Variants in ZNF518A observed in about 807,000 individuals in gnomAD.
ZNF518A encodes zinc finger protein 518A.
In ZNF518A, 47 loss-of-function variants were observed where a neutral mutation model predicts 102.7. That is an observed-to-expected ratio of 0.46 (90% CI 0.36 to 0.58). The LOEUF (loss-of-function observed/expected upper bound fraction) is 0.58. Ranked by LOEUF, ZNF518A falls within the 20% of genes least tolerant of loss-of-function variation. The pLI, the probability that ZNF518A is intolerant of heterozygous loss-of-function variation, is 0.00. For synonymous variants in ZNF518A, 652 were observed against 594.6 expected (o/e 1.10, Z -1.40); for missense variants, 1,793 against 1,699.8 (o/e 1.05, Z -0.96).
intron 1 of ZNF518A, among the ~76,000 whole-genome samples, chr10:96,202,853 C>T (rs587598805): frequency 3.3e-5 from 5 of 152,298 alleles, no homozygotes; most frequent in South Asian, 2.1e-4. Context: ...TTTCAACATG[C>T]GTGCATCTCG....
At chr10:96,153,457 A>G (rs1554881071) in intron 3 of ZNF518A, among the ~76,000 whole-genome samples, 2 of 152,252 alleles carry the variant, frequency 1.3e-5, no homozygotes, top group African/African-American at 4.8e-5. Flanking sequence ...GTTGAACATA[A>G]TTGAAGACAT....
At chr10:96,174,101 G>A (rs1213150725) in intron 1 of ZNF518A, among the ~76,000 whole-genome samples, 6 of 152,020 alleles carry the variant, frequency 3.9e-5, no homozygotes, top group African/African-American at 1.4e-4. Context: ...TGCTTAGAGG[G>A]AAATTTATAT....
At chr10:96,152,779 G>A (rs2082513247) in intron 3 of ZNF518A, among the ~76,000 whole-genome samples, 1 of 152,174 alleles carries the variant, frequency 6.6e-6, no homozygotes, top group Non-Finnish European at 1.5e-5. Context: ...GAGTATTTGT[G>A]TATCTAAATG....
Position 96,160,531 on chromosome 10 carries a change from T to G in ZNF518A, c.4209T>G (p.Phe1403Leu). The G allele has an allele frequency of 6.2e-7, 1 of 1,612,354 alleles. No individual in the cohort carries two copies. Among genetic ancestry groups the G allele is most frequent in the Non-Finnish European group, 8.5e-7 (1 of 1,179,322 alleles). Residue 1403 changes from phenylalanine (F) to leucine (L), a missense_variant, in exon 6 of 6, where the codon TTT becomes TTG. By Grantham distance (22) the Phe-to-Leu change is conservative. Around this residue, in one of 3 missense-constraint regions of ZNF518A, gnomAD observed 1,741 missense variants for 1,622.6 expected, o/e 1.07. Transcript: ENST00000316045. ...CTCCTAAAACAACTTATGATGATTT[T>G]TCCAAGAGGCACAAAACATTTAAAC... ...YNPPKTTYDD[F>L]SKRHKTFKPV...
At chr10:96,138,668 T>C (rs913583105) in intron 3 of ZNF518A, among the ~76,000 whole-genome samples, 80 of 152,330 alleles carry the variant, frequency 5.3e-4, no homozygotes, top group African/African-American at 1.9e-3. Flanking sequence ...ATCAGTAAAA[T>C]GTTACCTCCG....
At chr10:96,186,032 C>T (rs186289148) in intron 1 of ZNF518A, among the ~76,000 whole-genome samples, 42 of 152,364 alleles carry the variant, frequency 2.8e-4, no homozygotes, top group African/African-American at 7.7e-4. Flanking sequence ...CTGAGCCAGG[C>T]GCCGGATATA....
chr10:96,155,684 C>T (rs1554881941), intron 4 of ZNF518A: 1 of 152,084 alleles, frequency 6.6e-6, no homozygotes, highest in African/African-American at 2.4e-5. Flanking sequence ...TGTAGATTAT[C>T]CCTGAGGAAC....
chr10:96,199,057 CAG>C (rs2083556010), intron 1 of ZNF518A, among the ~76,000 whole-genome samples: 1 of 152,140 alleles, frequency 6.6e-6, no homozygotes, highest in African/African-American at 2.4e-5. Context: ...GATTTTTCCT[CAG>C]AATCTACTAC....
intron 1 of ZNF518A, among the ~76,000 whole-genome samples, chr10:96,194,565 T>C (rs903083977): frequency 6.6e-6 from 1 of 152,072 alleles, no homozygotes; most frequent in African/African-American, 2.4e-5. Context: ...AGGTAACCTA[T>C]GGAGTGGGAA....
At chr10:96,199,313 A>G (rs781827847) in intron 1 of ZNF518A, among the ~76,000 whole-genome samples, 56 of 152,348 alleles carry the variant, frequency 3.7e-4, no homozygotes, top group African/African-American at 1.3e-3. Flanking sequence ...TGGTGTTCCT[A>G]CATGATTGAA....
chr10:96,148,292 T>C (rs2082263034), intron 3 of ZNF518A, among the ~76,000 whole-genome samples: 2 of 152,114 alleles, frequency 1.3e-5, no homozygotes, highest in Non-Finnish European at 2.9e-5. Flanking sequence ...AATACAAAAT[T>C]AGCCTGGTGT....
In ZNF518A at chr10:96,157,765, T is replaced by C. The variant is rs1247948619; in HGVS notation, c.1443T>C (p.Thr481=). 2.3e-5 allele frequency: 37 copies of C among 1,613,762 alleles called. No homozygotes were observed. The highest frequency in any genetic ancestry group is 3.1e-5 in the Non-Finnish European group (36 of 1,179,788). The stretch of plus-strand genomic sequence containing the variant: ...AGTCAGGTGCTGCAAAGGACGGTAC[T>C]GCTAATTTGCAGCCCCAGACTTTGG... ...GSQSGAAKDG[T]ANLQPQTLDT... The change falls in exon 6 of 6, where the codon ACT becomes ACC. Residue 481 remains threonine, a synonymous_variant. Coordinates refer to ENST00000316045, the MANE Select transcript of ZNF518A (RefSeq NM_001330736.2).
intron 3 of ZNF518A, among the ~76,000 whole-genome samples, chr10:96,147,475 C>A (rs1453745213): frequency 6.6e-6 from 1 of 152,088 alleles, no homozygotes; most frequent in Admixed American, 6.5e-5. Flanking sequence ...TCTGTTTATT[C>A]TTTCATTTTG....
chr10:96,133,164 C>G (rs782503217), intron 2 of ZNF518A, among the ~76,000 whole-genome samples: 6 of 152,082 alleles, frequency 3.9e-5, no homozygotes, highest in Non-Finnish European at 7.4e-5. Flanking sequence ...TAACTATCAT[C>G]CTTCTGAATA....
intron 3 of ZNF518A, among the ~76,000 whole-genome samples, chr10:96,148,197 T>G (rs2082257652): frequency 6.6e-6 from 1 of 152,186 alleles, no homozygotes; most frequent in Admixed American, 6.5e-5. Context: ...CCCAGCACTT[T>G]GGGAGGCCGA....
In ZNF518A at chr10:96,159,929, G is replaced by T. The variant is rs781985548; in HGVS notation, c.3607G>T (p.Ala1203Ser). Residue 1203 changes from alanine to serine, a missense_variant, in exon 6 of 6, where the codon GCA (alanine) becomes TCA (serine). Around this residue, in one of 3 missense-constraint regions of ZNF518A, gnomAD observed 1,741 missense variants for 1,622.6 expected, o/e 1.07. Transcript: ENST00000316045. ...CTTCTTACTAGATGACTTAATGCCA[G>T]CAAATGAAATTGTGATAACTTCTAC... ...LPFLLDDLMP[A>S]NEIVITSTAT... 6.2e-7 allele frequency: 1 copy of T among 1,613,474 alleles called. No homozygotes were observed. The highest frequency in any genetic ancestry group is 8.5e-7 in the Non-Finnish European group (1 of 1,179,694).
chr10:96,146,019 T>G (rs1473415395), intron 3 of ZNF518A, among the ~76,000 whole-genome samples: 1 of 152,208 alleles, frequency 6.6e-6, no homozygotes, highest in Non-Finnish European at 1.5e-5. Context: ...TTCTTGACTT[T>G]TAACTTTTGA....
intron 1 of ZNF518A, among the ~76,000 whole-genome samples, chr10:96,182,595 AT>A (rs1554892129): frequency 6.6e-6 from 1 of 151,754 alleles, no homozygotes; most frequent in Non-Finnish European, 1.5e-5. Context: ...TAATCGTGTG[AT>A]TTTTGTCTTC....
chr10:96,158,969 G>C lies in ZNF518A; in HGVS notation c.2647G>C (p.Gly883Arg). The change falls in exon 6 of 6, where the codon GGT becomes CGT. Residue 883 changes from glycine to arginine, a missense_variant. By Grantham distance (125) the Gly-to-Arg change is moderately radical. Coordinates refer to ENST00000316045, the MANE Select transcript of ZNF518A (RefSeq NM_001330736.2). ...TTCAGAGAAGATGCCTAGAATTTCA[G>C]GTTTTGGCACATTACTTAAGACTCA... is the stretch of plus-strand genomic sequence containing the variant. ...RDSEKMPRIS[G>R]FGTLLKTQSD... 6.2e-7 allele frequency: 1 copy of C among 1,613,564 alleles called. No homozygotes were observed. The highest frequency in any genetic ancestry group is 8.5e-7 in the Non-Finnish European group (1 of 1,179,714).
Sources: allele counts gnomAD v4.1 joint callset (sites outside exome capture counted in the v4.1 genomes callset), GRCh38; gene constraint gnomAD v4.1.1; regional missense constraint gnomAD v4.1.1; transcripts MANE v1.5; gene names NCBI Gene and HGNC (gene_info 2026-07-23, HGNC 2026-07-21).